OSBPL10: variants seen among roughly 807,000 people sequenced by gnomAD.
OSBPL10 encodes oxysterol-binding protein-related protein 10.
A neutral mutation model predicts 81.7 loss-of-function variants in OSBPL10; 49 were observed. The ratio of observed to expected loss-of-function variants is 0.60; its 90% confidence interval spans 0.48 to 0.76. The LOEUF (loss-of-function observed/expected upper bound fraction) is 0.76. Among genes scored for constraint, OSBPL10 ranks in the 30% least tolerant of loss-of-function variants. The pLI, the probability that OSBPL10 is intolerant of heterozygous loss-of-function variation, is 0.00. For missense variants in OSBPL10, 923 were observed against 987.8 expected (o/e 0.93, Z 0.88); for synonymous variants, 419 against 383.6 (o/e 1.09, Z -1.08).
At chr3:31,791,978 G>A (rs891443123) in intron 4 of OSBPL10, among the ~76,000 whole-genome samples, 2 of 152,146 alleles carry the variant, frequency 1.3e-5, no homozygotes, top group Non-Finnish European at 2.9e-5. Context: ...GGATGCGGTG[G>A]TTCACACCTG....
intron 2 of OSBPL10, among the ~76,000 whole-genome samples, chr3:32,017,552 G>A (rs1262465891): frequency 6.6e-6 from 1 of 152,088 alleles, no homozygotes; most frequent in Non-Finnish European, 1.5e-5. Context: ...TGTTTGGTCT[G>A]TTTGGGCCCA....
upstream of OSBPL10, among the ~76,000 whole-genome samples, chr3:31,983,017 G>A (rs181905856): frequency 2.6e-5 from 4 of 152,266 alleles, no homozygotes; most frequent in African/African-American, 4.8e-5. Context: ...AGCATGTCCC[G>A]GATAAGGACT....
intron 2 of OSBPL10, among the ~76,000 whole-genome samples, chr3:32,016,488 C>T (rs560450450): frequency 9.2e-4 from 140 of 152,188 alleles, no homozygotes; most frequent in Non-Finnish European, 1.8e-3. Flanking sequence ...GGAGATATAC[C>T]TAATGTAAAC....
intron 1 of OSBPL10, among the ~76,000 whole-genome samples, chr3:31,961,123 T>C (rs1698149870): frequency 7.2e-6 from 1 of 137,962 alleles, no homozygotes; most frequent in Non-Finnish European, 1.5e-5. Context: ...ACCCACTCCA[T>C]AAAGAATGAA....
chr3:32,031,537 C>A (rs1159095575), intron 2 of OSBPL10, among the ~76,000 whole-genome samples: 1 of 152,034 alleles, frequency 6.6e-6, no homozygotes, highest in East Asian at 1.9e-4. Context: ...TCTTGGCTCA[C>A]TGCAACCTCT....
chr3:31,936,358 C>T (rs1314030538), intron 1 of OSBPL10, among the ~76,000 whole-genome samples: 1 of 152,184 alleles, frequency 6.6e-6, no homozygotes, highest in Non-Finnish European at 1.5e-5. Flanking sequence ...AAATGACTGT[C>T]CTTTGAAACC....
At chr3:32,073,152 T>C (rs2125451287) in intron 1 of OSBPL10, among the ~76,000 whole-genome samples, 1 of 152,258 alleles carries the variant, frequency 6.6e-6, no homozygotes, top group African/African-American at 2.4e-5. Context: ...GTGCAGTCCA[T>C]TTGAACTTTT....
intron 4 of OSBPL10, among the ~76,000 whole-genome samples, chr3:31,819,795 T>C (rs749634403): frequency 3.9e-5 from 6 of 152,222 alleles, no homozygotes; most frequent in African/African-American, 1.2e-4. Flanking sequence ...AGGTATTTTG[T>C]AGATGTGGAT....
intron 2 of OSBPL10, among the ~76,000 whole-genome samples, chr3:32,015,680 A>G (rs185816786): frequency 2.0e-3 from 301 of 152,360 alleles, no homozygotes; most frequent in African/African-American, 6.8e-3. Flanking sequence ...AGAATGGGAG[A>G]AAATGTTTGC....
At chr3:32,024,967 T>G (rs894291806) in intron 2 of OSBPL10, among the ~76,000 whole-genome samples, 2 of 152,194 alleles carry the variant, frequency 1.3e-5, no homozygotes, top group Non-Finnish European at 2.9e-5. Context: ...CTACTTCTCT[T>G]TTGCAACATG....
rs546216641 is a variant in OSBPL10, at chr3:31,666,661, C to G, written c.2096+1981G>C. On this transcript the variant is annotated intron_variant, in intron 10 of 11. Transcript: ENST00000396556. ...CTATGGAGGATACATTTGGAGACCC[C>G]CCAGCAGATGCCCAAAGCCACAGAT... Among the ~76,000 whole-genome samples, 3 of 152,216 alleles carry G rather than the reference C, an allele frequency of 2.0e-5. No homozygotes were observed. The South Asian group carries it at 6.2e-4, about 32-fold the overall frequency.
At chr3:31,940,930 A>C (rs1697518856) in intron 1 of OSBPL10, among the ~76,000 whole-genome samples, 1 of 152,012 alleles carries the variant, frequency 6.6e-6, no homozygotes, top group Admixed American at 6.6e-5. Context: ...GAGCCACCAC[A>C]CCTGGCCAAC....
chr3:31,877,053 G>A (rs1701492896), intron 2 of OSBPL10, among the ~76,000 whole-genome samples: 1 of 151,956 alleles, frequency 6.6e-6, no homozygotes. Context: ...ACAGGCACCC[G>A]CTACCATGCC....
chr3:32,055,191 C>CTTTT lies in OSBPL10; in HGVS notation n.186-8592_186-8589dup, dbSNP rs139735770. 9.8e-4 allele frequency among the ~76,000 whole-genome samples: 57 copies of CTTTT among 58,300 alleles called. 11 individuals are homozygous for CTTTT. The highest frequency in any genetic ancestry group is 3.3e-3 in the African/African-American group (44 of 13,468). 38.2% of individuals were successfully genotyped at this position (58,300 alleles called of 152,430 possible). A position where few individuals can be genotyped will look rare whatever the true frequency, so the allele number is the denominator to read the frequency against. ...AAGAAAACTTTTGAACTATTTATAG[C>CTTTT]TTTTTTTTTTTTTTTTTTTTTTTTT... On this transcript the variant is annotated intron_variant and non_coding_transcript_variant, in intron 1 of 3. Transcript: ENST00000479173.
chr3:31,676,701 T>A (rs1340781155), intron 8 of OSBPL10, among the ~76,000 whole-genome samples: 1 of 152,174 alleles, frequency 6.6e-6, no homozygotes, highest in Non-Finnish European at 1.5e-5. Flanking sequence ...GAACTAACTG[T>A]TTTTCCCCAC....
At chr3:31,872,629 T>G (rs1228784815) in intron 3 of OSBPL10, among the ~76,000 whole-genome samples, 2 of 150,514 alleles carry the variant, frequency 1.3e-5, no homozygotes, top group Non-Finnish European at 3.0e-5. Context: ...AAGCTTTTTT[T>G]TTTTTTTTTT....
intron 1 of OSBPL10, among the ~76,000 whole-genome samples, chr3:31,967,259 G>GTAAT (rs1240142840): frequency 1.3e-5 from 2 of 152,080 alleles, no homozygotes; most frequent in Admixed American, 1.3e-4. Flanking sequence ...TTTTCTGTTT[G>GTAAT]TAATTTTTTG....
At chr3:31,776,185 T>C (rs1432629598) in intron 4 of OSBPL10, among the ~76,000 whole-genome samples, 1 of 151,936 alleles carries the variant, frequency 6.6e-6, no homozygotes, top group Non-Finnish European at 1.5e-5. Context: ...CATATAAAAG[T>C]CAAGCAATTA....
intron 1 of OSBPL10, 119 bp downstream of exon 1, chr3:31,980,780 G>T: frequency 7.9e-7 from 1 of 1,268,974 alleles, no homozygotes; most frequent in Non-Finnish European, 1.0e-6. Flanking sequence ...GCATCACTGG[G>T]TTCGCTGAAG....
Sources: gnomAD v4.1 joint callset for allele counts (sites outside exome capture counted in the v4.1 genomes callset) on GRCh38, gnomAD v4.1.1 for gene constraint, MANE v1.5 for transcripts, NCBI Gene and HGNC (gene_info 2026-07-23, HGNC 2026-07-21) for gene names.